Variants in COL4A1 observed in about 807,000 individuals in gnomAD.
COL4A1 encodes the protein collagen alpha-1(IV) chain.
COL4A1 carries 40 observed loss-of-function variants against 216.6 expected under a neutral mutation model. The observed-to-expected ratio is 0.18, with a 90% CI of 0.14 to 0.24. COL4A1 has a LOEUF of 0.24. COL4A1 is among the 10% of genes least tolerant of loss of function. The probability of loss-of-function intolerance (pLI) is 1.00; values close to 1 mark genes in which losing one functional copy is unlikely to be tolerated. For synonymous variants in COL4A1, 839 were observed against 810.7 expected, an observed-to-expected ratio of 1.03 and a Z score of -0.59; for missense variants, 1,628 against 2,196.8, an observed-to-expected ratio of 0.74 and a Z score of 5.18.
In COL4A1 at chr13:110,268,203, G is replaced by C. The variant is rs555672323; in HGVS notation, c.85-25469C>G. ...AGGTTCAGCAGGGCCGATGCCAACT[G>C]TGTCCTGCCTCAGAGCACCGGCACT... On this transcript the variant is annotated intron_variant, in intron 1 of 51. Transcript: ENST00000375820. This position sits in a 1 kb window ranked among gnomAD's most constrained non-coding sequence, Gnocchi z 4.1. Among the ~76,000 whole-genome samples, 1 of 152,338 alleles carries C rather than the reference G, an allele frequency of 6.6e-6. No homozygotes were observed. The highest frequency in any genetic ancestry group is 2.1e-4 in the South Asian group (1 of 4,822).
chr13:110,166,351 T>C (rs750886713), intron 44 of COL4A1, 48 bp from the exon 45 acceptor site: 10 of 1,151,094 alleles, frequency 8.7e-6, no homozygotes, highest in Non-Finnish European at 1.3e-5. Context: ...CCCAATGATA[T>C]ACAAATATGT....
chr13:110,190,080 G>A (rs539833062), intron 24 of COL4A1, among the ~76,000 whole-genome samples: 11 of 152,238 alleles, frequency 7.2e-5, no homozygotes, highest in Non-Finnish European at 1.3e-4. Flanking sequence ...CCCCAATACT[G>A]TGATCTTAGG....
Position 110,203,562 on chromosome 13 carries a change from T to G in COL4A1, c.999+4A>C. 1.2e-6 allele frequency: 2 copies of G among 1,613,750 alleles called. No individual in the cohort carries two copies. The highest frequency in any genetic ancestry group is 1.1e-5 in the South Asian group (1 of 91,076). Reference sequence around the variant, plus strand: ...ACAGACCCAGGGACAGCACTCTTACTCACAATTCCAGGTGGGCCAGGAGGA... The same window carrying G: ...ACAGACCCAGGGACAGCACTCTTACGCACAATTCCAGGTGGGCCAGGAGGA... On this transcript the variant is annotated splice_donor_region_variant and intron_variant, in intron 18 of 51. Transcript: ENST00000375820.
In COL4A1 at chr13:110,150,098, T is replaced by C. The variant is rs555157539; in HGVS notation, c.*265A>G. The C allele has an allele frequency of 9.6e-5, 47 of 490,928 alleles. No individual in the cohort carries two copies. Among genetic ancestry groups the C allele is most frequent in the South Asian group, 2.6e-4 (13 of 49,710 alleles). 30.4% of individuals were successfully genotyped at this position (490,928 alleles called of 1,614,324 possible). On this transcript the variant is annotated 3_prime_UTR_variant, in exon 52 of 52. Transcript: ENST00000375820. Reference sequence around the variant, plus strand: ...AGTTCTCACTTCACACATCAGTGCATTGGATTGCAGAAAATATTGATATTT... The same window carrying C: ...AGTTCTCACTTCACACATCAGTGCACTGGATTGCAGAAAATATTGATATTT...
intron 49 of COL4A1, among the ~76,000 whole-genome samples, chr13:110,158,949 G>A (rs905157720): frequency 1.3e-5 from 2 of 152,072 alleles, no homozygotes; most frequent in Non-Finnish European, 1.5e-5. Context: ...CGCCATGCTG[G>A]CCAGGCTGGT....
intron 29 of COL4A1, 65 bp from the exon 30 acceptor site, chr13:110,179,486 T>G: frequency 1.2e-6 from 2 of 1,609,524 alleles, no homozygotes; most frequent in South Asian, 2.2e-5. Flanking sequence ...ATCAAACCAA[T>G]AGCGTAAGTG....
intron 25 of COL4A1, 82 bp downstream of exon 25, chr13:110,187,056 A>G (rs779674068): frequency 2.0e-4 from 301 of 1,520,420 alleles, no homozygotes; most frequent in Non-Finnish European, 2.5e-4. Flanking sequence ...AAATACATCA[A>G]TATGATTCAA....
rs73609595 is a variant in COL4A1 at position 110,179,167 on chromosome 13, C to G, written c.2344+104G>C. On this transcript the variant is annotated intron_variant, in intron 30 of 51. Coordinates refer to ENST00000375820, the MANE Select transcript of COL4A1 (RefSeq NM_001845.6). ...CTAGGCCTCTAAGATTTGCATCGTT[C>G]GTTCAACAAATACATATCAAATATA... 2.8e-3 allele frequency: 4,463 copies of G among 1,569,240 alleles called. 109 individuals are homozygous for G. The African/African-American group carries it at 0.054, about 19-fold the overall frequency.
chr13:110,228,245 G>C (rs955831322), intron 2 of COL4A1, among the ~76,000 whole-genome samples: 1 of 148,028 alleles, frequency 6.8e-6, no homozygotes, highest in East Asian at 2.1e-4. Flanking sequence ...GGCGGGGGGG[G>C]GGTCTACATC....
intron 26 of COL4A1, among the ~76,000 whole-genome samples, chr13:110,186,175 C>A (rs1287910410): frequency 6.6e-6 from 1 of 152,192 alleles, no homozygotes; most frequent in African/African-American, 2.4e-5. Context: ...AAGTTCTCCA[C>A]CTGCATATTA....
At chr13:110,183,783 C>G (rs1417148690) in intron 26 of COL4A1, among the ~76,000 whole-genome samples, 1 of 152,212 alleles carries the variant, frequency 6.6e-6, no homozygotes, top group Non-Finnish European at 1.5e-5. Flanking sequence ...CTGGAGAGCT[C>G]TGCGCTCACT....
chr13:110,240,962 T>C (rs539070930), intron 2 of COL4A1, among the ~76,000 whole-genome samples: 3 of 152,296 alleles, frequency 2.0e-5, no homozygotes, highest in South Asian at 2.1e-4. Flanking sequence ...CTCCGCCTCC[T>C]GGGTTCAAGC....
chr13:110,304,450 T>G (rs1429827841), intron 1 of COL4A1, among the ~76,000 whole-genome samples: 2 of 152,154 alleles, frequency 1.3e-5, no homozygotes, highest in Non-Finnish European at 2.9e-5. Flanking sequence ...TTAAGAAGCA[T>G]CACACAGAAC....
intron 1 of COL4A1, among the ~76,000 whole-genome samples, chr13:110,249,341 G>A (rs1219030080): frequency 6.6e-6 from 1 of 151,998 alleles, no homozygotes; most frequent in African/African-American, 2.4e-5. Context: ...AATAAAATTC[G>A]AGAAAAAGGG....
chr13:110,215,843 A>G lies in COL4A1; in HGVS notation c.145-1828T>C, dbSNP rs1880045988. ...CATCCAAAGTCGTCCTTCTTTCCAAACCACTCAGCCAGTCCTGGCACTTAA... is the reference window on the plus strand; with the variant it reads ...CATCCAAAGTCGTCCTTCTTTCCAAGCCACTCAGCCAGTCCTGGCACTTAA... On this transcript the variant is annotated intron_variant, in intron 2 of 51. Coordinates refer to ENST00000375820, the MANE Select transcript of COL4A1 (RefSeq NM_001845.6). Among the ~76,000 whole-genome samples the G allele has an allele frequency of 2.0e-5, 3 of 152,122 alleles. No homozygotes were observed. The South Asian group carries it at 6.2e-4, about 32-fold the overall frequency.
chr13:110,173,760 A>G, intron 40 of COL4A1, 140 bp downstream of exon 40: 1 of 928,230 alleles, frequency 1.1e-6, no homozygotes, highest in Non-Finnish European at 1.7e-6. Flanking sequence ...ACACATCCAC[A>G]TCAGTGTTTA....
chr13:110,302,555 A>G (rs915086152), intron 1 of COL4A1, among the ~76,000 whole-genome samples: 1 of 152,188 alleles, frequency 6.6e-6, no homozygotes, highest in Non-Finnish European at 1.5e-5. Flanking sequence ...AGACACGGAA[A>G]GAGCGCTAGG....
chr13:110,271,327 C>G lies in COL4A1; in HGVS notation c.85-28593G>C, dbSNP rs144871078. Among the ~76,000 whole-genome samples, 742 of 152,282 alleles carry G rather than the reference C, an allele frequency of 4.9e-3. 4 individuals carry two copies. Among genetic ancestry groups the G allele is most frequent in the African/African-American group, 0.017 (694 of 41,556 alleles). The stretch of plus-strand genomic sequence containing the variant: ...AGATATTCATACTGTGTCAAAGGCC[C>G]TTTCCACAAGATACATATTAGGAGC... On this transcript the variant is annotated intron_variant, in intron 1 of 51. Transcript: ENST00000375820.
At position 110,149,942 on chromosome 13, in the gene COL4A1, A is replaced by C; in HGVS notation, c.*421T>G. ...TACAGACCAAGGGACCTAAATTTTG[A>C]AACAGCTAGACAGTGATATAAACAA... On this transcript the variant is annotated 3_prime_UTR_variant, in exon 52 of 52. Coordinates refer to ENST00000375820, the MANE Select transcript of COL4A1 (RefSeq NM_001845.6). 1 of 294,280 alleles carries C rather than the reference A, an allele frequency of 3.4e-6. No individual in the cohort carries two copies. The highest frequency in any genetic ancestry group is 3.3e-5 in the South Asian group (1 of 30,430). The allele number at this position is 294,280 out of a possible 1,614,324, so 18.2% of individuals were successfully genotyped here.
Sources: allele counts gnomAD v4.1 joint callset (sites outside exome capture counted in the v4.1 genomes callset), GRCh38; gene constraint gnomAD v4.1.1; non-coding constraint Gnocchi (gnomAD v3.1); transcripts MANE v1.5; gene names NCBI Gene and HGNC (gene_info 2026-07-23, HGNC 2026-07-21).